GALNTL6: variants seen among roughly 807,000 people sequenced by gnomAD.
GALNTL6 encodes the protein polypeptide N-acetylgalactosaminyltransferase-like 6.
In GALNTL6, 46 loss-of-function variants were observed where a neutral mutation model predicts 73.7. That is an observed-to-expected ratio of 0.62 (90% CI 0.49 to 0.80). The LOEUF (loss-of-function observed/expected upper bound fraction) is 0.80, where lower values mean the gene tolerates loss of function less well. Ranked by LOEUF, GALNTL6 falls within the 30% of genes least tolerant of loss-of-function variation. The pLI is 0.00. For missense variants in GALNTL6, 604 were observed against 755.0 expected, an observed-to-expected ratio of 0.80 and a Z score of 2.34; for synonymous variants, 259 against 263.7, an observed-to-expected ratio of 0.98 and a Z score of 0.17.
At chr4:172,524,682 T>G (rs917762784) in intron 5 of GALNTL6, among the ~76,000 whole-genome samples, 2 of 152,216 alleles carry the variant, frequency 1.3e-5, no homozygotes, top group Admixed American at 1.3e-4. Context: ...ATATAAGCCT[T>G]TGTTAAATAT....
At chr4:172,612,635 G>A (rs1738569829) in intron 5 of GALNTL6, among the ~76,000 whole-genome samples, 1 of 151,996 alleles carries the variant, frequency 6.6e-6, no homozygotes, top group Non-Finnish European at 1.5e-5. Flanking sequence ...ATGGCTGTTG[G>A]GTAGCCAATC....
At chr4:172,361,774 CT>C (rs988237712) in intron 5 of GALNTL6, among the ~76,000 whole-genome samples, 1 of 152,106 alleles carries the variant, frequency 6.6e-6, no homozygotes, top group African/African-American at 2.4e-5. Flanking sequence ...ACAGGACTCC[CT>C]TTTCTCATTG....
intron 2 of GALNTL6, among the ~76,000 whole-genome samples, chr4:172,181,014 G>T (rs1266710666): frequency 6.6e-6 from 1 of 152,142 alleles, no homozygotes; most frequent in Non-Finnish European, 1.5e-5. Context: ...ATGGTAGCTT[G>T]ATGGGTATAG....
intron 12 of GALNTL6, among the ~76,000 whole-genome samples, chr4:173,039,280 G>T (rs1316942796): frequency 6.6e-6 from 1 of 152,194 alleles, no homozygotes; most frequent in African/African-American, 2.4e-5. Context: ...ATTGAGAGGA[G>T]ACTGAAGCTC....
chr4:172,776,335 G>T (rs967067141), intron 5 of GALNTL6, among the ~76,000 whole-genome samples: 1 of 152,168 alleles, frequency 6.6e-6, no homozygotes, highest in African/African-American at 2.4e-5. Context: ...AACCACAGAG[G>T]TTGGTTAATG....
rs145923149 is a variant in GALNTL6, at chr4:172,058,384, G to A, written c.139-171272G>A. ...TAAATTTCGAGAAAAATAAGATCTCGAAAAATACGAACTTTGCCTTCCAGA... is the reference window on the plus strand; with the variant it reads ...TAAATTTCGAGAAAAATAAGATCTCAAAAAATACGAACTTTGCCTTCCAGA... On this transcript the variant is annotated intron_variant, in intron 2 of 12. Transcript: ENST00000506823. 2.1e-4 allele frequency among the ~76,000 whole-genome samples: 32 copies of A among 152,166 alleles called. No homozygotes were observed. The East Asian group carries it at 4.1e-3, about 19-fold the overall frequency.
At chr4:172,666,029 C>G (rs1311470766) in intron 5 of GALNTL6, among the ~76,000 whole-genome samples, 1 of 151,954 alleles carries the variant, frequency 6.6e-6, no homozygotes, top group Non-Finnish European at 1.5e-5. Flanking sequence ...TTTTTACTAA[C>G]TTTATTTCAC....
At chr4:172,876,634 T>C (rs1453605940) in intron 7 of GALNTL6, among the ~76,000 whole-genome samples, 1 of 152,172 alleles carries the variant, frequency 6.6e-6, no homozygotes. Context: ...ACCAGGAGAA[T>C]AGTCCTCTCT....
At chr4:172,240,466 C>T (rs771164414) in intron 3 of GALNTL6, among the ~76,000 whole-genome samples, 16 of 151,896 alleles carry the variant, frequency 1.1e-4, no homozygotes, top group African/African-American at 1.7e-4. Flanking sequence ...CTCCTGACCT[C>T]GTGATCCACC....
At chr4:172,130,057 T>C (rs535127805) in intron 2 of GALNTL6, among the ~76,000 whole-genome samples, 1 of 152,262 alleles carries the variant, frequency 6.6e-6, no homozygotes, top group East Asian at 1.9e-4. Flanking sequence ...ACAGAGGATT[T>C]TAAAGGAAAA....
At chr4:172,502,956 T>C (rs573386021) in intron 5 of GALNTL6, among the ~76,000 whole-genome samples, 3 of 152,292 alleles carry the variant, frequency 2.0e-5, no homozygotes, top group East Asian at 1.9e-4. Flanking sequence ...CATGAAGTAA[T>C]AGCAAACTAA....
intron 5 of GALNTL6, among the ~76,000 whole-genome samples, chr4:172,718,496 G>C (rs894232588): frequency 6.6e-6 from 1 of 151,992 alleles, no homozygotes; most frequent in Non-Finnish European, 1.5e-5. Context: ...ATATGAGCCA[G>C]GTATGGTGGT....
At chr4:172,600,611 G>C (rs1009138296) in intron 5 of GALNTL6, among the ~76,000 whole-genome samples, 2 of 152,154 alleles carry the variant, frequency 1.3e-5, no homozygotes, top group Admixed American at 1.3e-4. Context: ...GTAAGTCTAG[G>C]CAGAGAGATA....
chr4:172,045,710 G>A (rs887451828), intron 2 of GALNTL6, among the ~76,000 whole-genome samples: 1 of 150,994 alleles, frequency 6.6e-6, no homozygotes, highest in Non-Finnish European at 1.5e-5. Context: ...CCAAGTGTAG[G>A]TCATTTGGAA....
At position 172,775,934 on chromosome 4, in the gene GALNTL6, C is replaced by T. The variant is rs556842051; in HGVS notation, c.554-33427C>T. 3.3e-5 allele frequency among the ~76,000 whole-genome samples: 5 copies of T among 152,216 alleles called. No individual in the cohort carries two copies. In the East Asian group the frequency reaches 9.7e-4, roughly 29 times the overall value. On this transcript the variant is annotated intron_variant, in intron 5 of 12. Transcript: ENST00000506823. ...GCTGATGGCTAACAAAGAGCTGGCC[C>T]TAGGTCCTACAGCTGGAAGAAAATG...
chr4:172,500,179 G>A (rs1382844719), intron 5 of GALNTL6, among the ~76,000 whole-genome samples: 1 of 152,142 alleles, frequency 6.6e-6, no homozygotes, highest in African/African-American at 2.4e-5. Context: ...CAAGCACTTT[G>A]GGAAGCTGAG....
intron 2 of GALNTL6, among the ~76,000 whole-genome samples, chr4:171,850,582 G>A (rs1383607615): frequency 6.6e-6 from 1 of 152,068 alleles, no homozygotes; most frequent in Non-Finnish European, 1.5e-5. Flanking sequence ...TTAAGTGCAG[G>A]TGTGTGACTT....
intron 2 of GALNTL6, among the ~76,000 whole-genome samples, chr4:171,853,012 ATTTTTTTTTT>A (rs765984611): frequency 3.7e-4 from 32 of 86,836 alleles, no homozygotes; most frequent in East Asian, 1.0e-3. Context: ...CGCCCGGCTA[ATTTTTTTTTT>A]TTTTTTTTTT....
chr4:172,715,116 T>C (rs984895046), intron 5 of GALNTL6, among the ~76,000 whole-genome samples: 1 of 152,188 alleles, frequency 6.6e-6, no homozygotes, highest in African/African-American at 2.4e-5. Context: ...ATGGTGTATC[T>C]ACTACTTGAG....
Sources: gnomAD v4.1 joint callset for allele counts (sites outside exome capture counted in the v4.1 genomes callset) on GRCh38, gnomAD v4.1.1 for gene constraint, MANE v1.5 for transcripts, NCBI Gene and HGNC (gene_info 2026-07-23, HGNC 2026-07-21) for gene names.